The following NCAM2 variants were observed in gnomAD, a reference collection of about 807,000 sequenced individuals.
The protein encoded by NCAM2 is N-CAM-2.
Under a neutral mutation model 98.1 loss-of-function variants are expected in NCAM2, and 30 were observed. That is an observed-to-expected ratio of 0.31 (90% CI 0.23 to 0.41). The LOEUF (loss-of-function observed/expected upper bound fraction) is 0.41, where lower values mean the gene tolerates loss of function less well. Among genes scored for constraint, NCAM2 ranks in the 10% least tolerant of loss-of-function variants. The pLI is 1.00. For synonymous variants in NCAM2, 368 were observed against 342.4 expected (o/e 1.07, Z -0.83); for missense variants, 867 against 1,005.8 (o/e 0.86, Z 1.87).
chr21:21,341,319 G>A (rs2075027409), intron 8 of NCAM2, among the ~76,000 whole-genome samples: 1 of 152,036 alleles, frequency 6.6e-6, no homozygotes. Flanking sequence ...AGTTGATTTA[G>A]TATATGCAGC....
At chr21:21,391,273 T>A (rs2076374673) in intron 9 of NCAM2, among the ~76,000 whole-genome samples, 1 of 152,100 alleles carries the variant, frequency 6.6e-6, no homozygotes, top group Admixed American at 6.6e-5. Flanking sequence ...AACATGCAAA[T>A]AATTGAACAT....
rs779044324 is a variant in NCAM2, at chr21:21,398,814, G to A, written c.1196-11460G>A. On this transcript the variant is annotated intron_variant, in intron 9 of 17. Transcript: ENST00000400546. The stretch of plus-strand genomic sequence containing the variant: ...TGTGCTTTAGTGGTGAGAAATCAAT[G>A]ACAAAGCTTTTAAAATTGACACCCT... Among the ~76,000 whole-genome samples the A allele has an allele frequency of 1.0e-3, 156 of 152,238 alleles. 1 individual carries two copies. The highest frequency in any genetic ancestry group is 3.6e-3 in the African/African-American group (151 of 41,540).
chr21:21,146,881 G>A (rs2067289203), intron 1 of NCAM2, among the ~76,000 whole-genome samples: 1 of 151,802 alleles, frequency 6.6e-6, no homozygotes. Context: ...TCCAGTACCA[G>A]TGGACTTGCT....
At chr21:21,133,902 C>T (rs1332352555) in intron 1 of NCAM2, among the ~76,000 whole-genome samples, 2 of 152,110 alleles carry the variant, frequency 1.3e-5, no homozygotes, top group Non-Finnish European at 2.9e-5. Flanking sequence ...CTCACTGGTA[C>T]ATATTGATGC....
chr21:21,228,031 G>C (rs1177560937), intron 1 of NCAM2, among the ~76,000 whole-genome samples: 5 of 151,836 alleles, frequency 3.3e-5, no homozygotes, highest in Non-Finnish European at 7.4e-5. Flanking sequence ...CACAGGTAGG[G>C]AGTGGAACAT....
intron 12 of NCAM2, among the ~76,000 whole-genome samples, chr21:21,432,815 C>T (rs576727331): frequency 3.9e-5 from 6 of 151,906 alleles, no homozygotes; most frequent in Non-Finnish European, 8.8e-5. Context: ...AAAATTTCAT[C>T]GTCTTATGAA....
chr21:21,376,627 T>C (rs2076038744), intron 9 of NCAM2, among the ~76,000 whole-genome samples: 1 of 151,866 alleles, frequency 6.6e-6, no homozygotes, highest in Admixed American at 6.6e-5. Context: ...GCTCTTGTAA[T>C]CTATTAATAC....
intron 12 of NCAM2, among the ~76,000 whole-genome samples, chr21:21,454,699 A>G (rs1052245984): frequency 6.6e-6 from 1 of 152,008 alleles, no homozygotes; most frequent in Non-Finnish European, 1.5e-5. Context: ...CATATTCAAG[A>G]TAGCTTCAGA....
At chr21:21,498,248 A>G (rs566365340) in intron 15 of NCAM2, among the ~76,000 whole-genome samples, 93 of 152,248 alleles carry the variant, frequency 6.1e-4, no homozygotes, top group African/African-American at 2.1e-3. Flanking sequence ...ATTCCTGATT[A>G]TAATTTAATT....
intron 1 of NCAM2, among the ~76,000 whole-genome samples, chr21:21,114,897 T>C (rs2066523798): frequency 6.6e-6 from 1 of 152,082 alleles, no homozygotes; most frequent in Admixed American, 6.5e-5. Context: ...CTTGGCTCAC[T>C]GTAAGCTCTG....
chr21:21,334,531 G>T (rs1035601327), intron 6 of NCAM2, among the ~76,000 whole-genome samples: 2 of 151,948 alleles, frequency 1.3e-5, no homozygotes, highest in Non-Finnish European at 2.9e-5. Flanking sequence ...ACAAGCAAAT[G>T]TCTCCATACC....
At chr21:21,524,570 A>T (rs1473687124) in intron 16 of NCAM2, among the ~76,000 whole-genome samples, 4 of 152,042 alleles carry the variant, frequency 2.6e-5, no homozygotes, top group Non-Finnish European at 5.9e-5. Flanking sequence ...CAAAGATAAA[A>T]AGAAAAAAAG....
At chr21:21,155,124 A>G (rs889671839) in intron 1 of NCAM2, among the ~76,000 whole-genome samples, 6 of 151,604 alleles carry the variant, frequency 4.0e-5, no homozygotes, top group African/African-American at 1.5e-4. Context: ...CAACCAAAAT[A>G]ACAGACAGAG....
chr21:21,031,581 G>C (rs2064683522), intron 1 of NCAM2, among the ~76,000 whole-genome samples: 1 of 152,126 alleles, frequency 6.6e-6, no homozygotes, highest in South Asian at 2.1e-4. Context: ...ACACCATCTT[G>C]GTTTGGTTTT....
At chr21:21,004,308 T>C (rs2146110150) in intron 1 of NCAM2, among the ~76,000 whole-genome samples, 1 of 152,342 alleles carries the variant, frequency 6.6e-6, no homozygotes, top group African/African-American at 2.4e-5. Context: ...TTGTGCGAAG[T>C]GCTTTCAGTC....
intron 15 of NCAM2, among the ~76,000 whole-genome samples, chr21:21,503,170 G>A (rs1426171438): frequency 6.6e-6 from 1 of 151,820 alleles, no homozygotes; most frequent in Non-Finnish European, 1.5e-5. Flanking sequence ...TGAAACCTTT[G>A]ATCGTACTTA....
intron 1 of NCAM2, among the ~76,000 whole-genome samples, chr21:21,199,702 C>CGTA (rs1309607613): frequency 5.9e-5 from 9 of 152,132 alleles, no homozygotes; most frequent in Non-Finnish European, 1.0e-4. Context: ...ATACACATTA[C>CGTA]CACTGCATAG....
At chr21:21,046,603 A>G (rs1219196854) in intron 1 of NCAM2, among the ~76,000 whole-genome samples, 1 of 151,826 alleles carries the variant, frequency 6.6e-6, no homozygotes, top group Non-Finnish European at 1.5e-5. Flanking sequence ...TTTTCTTTCT[A>G]TTTTTGCTTC....
At chr21:21,048,422 TG>T (rs1396207096) in intron 1 of NCAM2, among the ~76,000 whole-genome samples, 1 of 151,982 alleles carries the variant, frequency 6.6e-6, no homozygotes, top group Non-Finnish European at 1.5e-5. Flanking sequence ...GCGCAATCTC[TG>T]CTCGCTGCAA....
Sources: gnomAD v4.1 joint callset for allele counts (sites outside exome capture counted in the v4.1 genomes callset) on GRCh38, gnomAD v4.1.1 for gene constraint, MANE v1.5 for transcripts, NCBI Gene and HGNC (gene_info 2026-07-23, HGNC 2026-07-21) for gene names.